The following TYW1B variants were observed in gnomAD, a reference collection of about 807,000 sequenced individuals.
TYW1B encodes the protein S-adenosyl-L-methionine-dependent tRNA 4-demethylwyosine synthase TYW1B.
A neutral mutation model predicts 86.9 loss-of-function variants in TYW1B; 73 were observed. The ratio of observed to expected loss-of-function variants is 0.84; its 90% CI spans 0.70 to 1.02. The LOEUF is 1.02. Ranked by LOEUF, TYW1B falls within the 50% of genes least tolerant of loss-of-function variation. TYW1B has a pLI of 0.00. For synonymous variants in TYW1B, 248 were observed against 292.8 expected, an observed-to-expected ratio of 0.85 and a Z score of 1.56; for missense variants, 637 against 827.4, an observed-to-expected ratio of 0.77 and a Z score of 2.82.
chr7:72,667,720 C>A (rs1554445584), intron 11 of TYW1B, among the ~76,000 whole-genome samples: 1 of 152,016 alleles, frequency 6.6e-6, no homozygotes, highest in East Asian at 1.9e-4. Flanking sequence ...CTCAAAAAAA[C>A]AAAACAAAAC....
At chr7:72,624,776 A>G (rs1365330167) in intron 12 of TYW1B, among the ~76,000 whole-genome samples, 1 of 152,202 alleles carries the variant, frequency 6.6e-6, no homozygotes, top group Admixed American at 6.6e-5. Flanking sequence ...ATTTATTTTA[A>G]GCCAGGCGTG....
intron 11 of TYW1B, among the ~76,000 whole-genome samples, chr7:72,640,824 C>T (rs1383089596): frequency 6.6e-6 from 1 of 152,054 alleles, no homozygotes; most frequent in Non-Finnish European, 1.5e-5. Context: ...AGTAAAAGCA[C>T]AGAACATATG....
chr7:72,801,567 C>A (rs1788404012), intron 6 of TYW1B, among the ~76,000 whole-genome samples: 1 of 150,928 alleles, frequency 6.6e-6, no homozygotes, highest in Non-Finnish European at 1.5e-5. Flanking sequence ...GGCTTATGGA[C>A]TACATATAAT....
At chr7:72,644,063 C>T (rs3015889) in intron 11 of TYW1B, among the ~76,000 whole-genome samples, 67,921 of 147,750 alleles carry the variant, frequency 0.46, 17,259 homozygotes, top group African/African-American at 0.71. Flanking sequence ...GATGAGTTTA[C>T]TGCATGAATA....
At chr7:72,654,608 C>T (rs1181642815) in intron 11 of TYW1B, among the ~76,000 whole-genome samples, 36 of 152,144 alleles carry the variant, frequency 2.4e-4, no homozygotes, top group Admixed American at 2.0e-3. Flanking sequence ...AGGCCGGGCA[C>T]GGTGGCTCAC....
intron 6 of TYW1B, among the ~76,000 whole-genome samples, chr7:72,780,199 G>C (rs1234376729): frequency 6.6e-6 from 1 of 152,002 alleles, no homozygotes; most frequent in Non-Finnish European, 1.5e-5. Context: ...CAAACTCCTG[G>C]GCTCAAGCGA....
At chr7:72,624,812 C>A (rs1812303412) in intron 12 of TYW1B, among the ~76,000 whole-genome samples, 1 of 152,182 alleles carries the variant, frequency 6.6e-6, no homozygotes. Flanking sequence ...AATCCCAACA[C>A]TTTGGGAGGC....
At chr7:72,582,783 A>G (rs1386377979) in intron 13 of TYW1B, among the ~76,000 whole-genome samples, 1 of 152,210 alleles carries the variant, frequency 6.6e-6, no homozygotes, top group Admixed American at 6.5e-5. Context: ...GAGAGGCAAT[A>G]TATTTGAGAT....
At chr7:72,678,070 C>T (rs1406780913) in intron 11 of TYW1B, among the ~76,000 whole-genome samples, 1 of 152,102 alleles carries the variant, frequency 6.6e-6, no homozygotes, top group African/African-American at 2.4e-5. Context: ...TTTCTGGGAA[C>T]CTGAATACTA....
chr7:72,807,460 G>A, intron 4 of TYW1B, 104 bp from the exon 5 acceptor site: 2 of 1,437,852 alleles, frequency 1.4e-6, no homozygotes, highest in Non-Finnish European at 9.3e-7. Flanking sequence ...CTGGTCATGG[G>A]CTACCACTAA....
intron 7 of TYW1B, among the ~76,000 whole-genome samples, chr7:72,762,054 T>G (rs1422732089): frequency 1.3e-5 from 2 of 152,120 alleles, no homozygotes; most frequent in African/African-American, 4.8e-5. Context: ...ATACAAAAAT[T>G]TTAAAATTTG....
At chr7:72,763,283 T>C (rs555678321) in intron 7 of TYW1B, among the ~76,000 whole-genome samples, 80 of 113,474 alleles carry the variant, frequency 7.1e-4, no homozygotes, top group Admixed American at 5.8e-3. Flanking sequence ...TTTTCTTTTC[T>C]TTTTTTTTTT....
chr7:72,592,154 A>C (rs1406413707), intron 13 of TYW1B, among the ~76,000 whole-genome samples: 7 of 135,498 alleles, frequency 5.2e-5, no homozygotes, highest in Admixed American at 4.5e-4. Context: ...TAACACACTA[A>C]TGTGTTAAAA....
intron 9 of TYW1B, chr7:72,723,099 G>A (rs1786934905): frequency 2.1e-6 from 2 of 941,490 alleles, no homozygotes; most frequent in Non-Finnish European, 3.0e-6. Flanking sequence ...CCCACTGAGG[G>A]AGTTCCTCTT....
intron 13 of TYW1B, among the ~76,000 whole-genome samples, chr7:72,604,866 G>A (rs1212442429): frequency 6.6e-6 from 1 of 152,130 alleles, no homozygotes; most frequent in Non-Finnish European, 1.5e-5. Context: ...TTACCTGAAC[G>A]TGAGTGGGAT....
chr7:72,628,857 C>A (rs1554439310), intron 12 of TYW1B, 30 bp downstream of exon 12: 5 of 1,560,212 alleles, frequency 3.2e-6, no homozygotes, highest in East Asian at 2.4e-5. Flanking sequence ...TGTCACTCCA[C>A]CACGGCCACC....
chr7:72,735,569 TAAAAA>T (rs1169710498), intron 8 of TYW1B, among the ~76,000 whole-genome samples: 3 of 118,670 alleles, frequency 2.5e-5, no homozygotes, highest in Non-Finnish European at 3.4e-5. Context: ...GACTCTGCCT[TAAAAA>T]AAAAAAAAAA....
chr7:72,718,634 AT>A (rs1786835604), intron 9 of TYW1B, among the ~76,000 whole-genome samples: 1 of 152,086 alleles, frequency 6.6e-6, no homozygotes, highest in African/African-American at 2.4e-5. Context: ...TGGATGAATA[AT>A]TTTTTAGGTT....
intron 9 of TYW1B, among the ~76,000 whole-genome samples, chr7:72,717,998 TA>T (rs1228417703): frequency 6.6e-6 from 1 of 151,974 alleles, no homozygotes; most frequent in Non-Finnish European, 1.5e-5. Context: ...ATCATTATAT[TA>T]AAAAAAACCT....
Sources: gnomAD v4.1 joint callset for allele counts (sites outside exome capture counted in the v4.1 genomes callset) on GRCh38, gnomAD v4.1.1 for gene constraint, MANE v1.5 for transcripts, NCBI Gene and HGNC (gene_info 2026-07-23, HGNC 2026-07-21) for gene names.